BMP5: variants seen among roughly 807,000 people sequenced by gnomAD.
BMP5 encodes the protein bone morphogenetic protein 5.
BMP5 carries 23 observed loss-of-function variants against 46.6 expected under a neutral mutation model. The ratio of observed to expected loss-of-function variants is 0.49; its 90% confidence interval spans 0.35 to 0.70. The LOEUF is 0.70. Among genes scored for constraint, BMP5 ranks in the 30% least tolerant of loss-of-function variants. The probability of loss-of-function intolerance (pLI) is 0.00; values close to 1 mark genes in which losing one functional copy is unlikely to be tolerated. For synonymous variants in BMP5, 204 were observed against 191.9 expected (o/e 1.06, Z -0.52); for missense variants, 545 against 565.6 (o/e 0.96, Z 0.37).
At chr6:55,803,253 G>A (rs1157930060) in intron 2 of BMP5, among the ~76,000 whole-genome samples, 1 of 151,830 alleles carries the variant, frequency 6.6e-6, no homozygotes, top group Non-Finnish European at 1.5e-5. Context: ...CTGAGATCAC[G>A]CCATTGCACT....
chr6:55,780,471 AAAG>A (rs1241594872), intron 3 of BMP5, among the ~76,000 whole-genome samples: 192 of 105,668 alleles, frequency 1.8e-3, no homozygotes, highest in African/African-American at 5.6e-3. Flanking sequence ...AAAAAAAAAA[AAAG>A]AAAGAAAGAA....
intron 1 of BMP5, among the ~76,000 whole-genome samples, chr6:55,863,991 T>C (rs1777580628): frequency 6.6e-6 from 1 of 151,988 alleles, no homozygotes; most frequent in Admixed American, 6.6e-5. Flanking sequence ...TCTCAGAAGG[T>C]ACACCCCCAT....
intron 4 of BMP5, among the ~76,000 whole-genome samples, chr6:55,768,385 T>C (rs1168252388): frequency 3.3e-5 from 5 of 151,942 alleles, no homozygotes; most frequent in Non-Finnish European, 5.9e-5. Flanking sequence ...ACAAGCATTC[T>C]GTTTTTCACT....
In BMP5 at chr6:55,774,239, G is replaced by A; in HGVS notation, c.837C>T (p.Arg279=). ...LQLCAETGDG[R]SINVKSAGLV... ...GACCAGCAGATTTTACGTTGATACT[G>A]CGTCCTAGAACGTAATACAAAAGCA... Residue 279 remains arginine, a synonymous_variant, in exon 4 of 7, where the codon CGC becomes CGT. Transcript: ENST00000370830. The A allele has an allele frequency of 1.2e-6, 2 of 1,612,574 alleles. No individual in the cohort carries two copies. Among genetic ancestry groups the A allele is most frequent in the Admixed American group, 3.3e-5 (2 of 59,838 alleles).
At chr6:55,817,463 A>G (rs1191168366) in intron 2 of BMP5, among the ~76,000 whole-genome samples, 1 of 152,174 alleles carries the variant, frequency 6.6e-6, no homozygotes, top group East Asian at 1.9e-4. Context: ...ACACAGATGA[A>G]GCTAGAAACC....
rs530615736 is a variant in BMP5, at chr6:55,774,069, G to T, written c.1007C>A (p.Ser336Tyr). Residue 336 changes from serine to tyrosine, a missense_variant, in exon 4 of 7, where the codon TCC (serine) becomes TAC (tyrosine). Physicochemically the swap from Ser to Tyr is moderately radical, Grantham distance 144. Coordinates refer to ENST00000370830, the MANE Select transcript of BMP5 (RefSeq NM_021073.4). ...RNKSSSHQDSSRMSSVGDYNT... is the reference protein window; with the variant it reads ...RNKSSSHQDSYRMSSVGDYNT... ...CTTACCTCCAACACTGGACATTCTG[G>T]AGGAGTCCTGATGAGAGCTGGATTT... 6.2e-7 allele frequency: 1 copy of T among 1,612,690 alleles called. No homozygotes were observed. The highest frequency in any genetic ancestry group is 8.5e-7 in the Non-Finnish European group (1 of 1,179,274).
chr6:55,867,463 T>C (rs1455361518), intron 1 of BMP5, among the ~76,000 whole-genome samples: 1 of 152,148 alleles, frequency 6.6e-6, no homozygotes, highest in Non-Finnish European at 1.5e-5. Flanking sequence ...TCCTAAATAA[T>C]TCAGTTTGCA....
intron 2 of BMP5, among the ~76,000 whole-genome samples, chr6:55,810,963 C>T (rs914195418): frequency 2.0e-5 from 3 of 152,138 alleles, no homozygotes; most frequent in Non-Finnish European, 4.4e-5. Context: ...CTAAATGTCT[C>T]CTAGGGACCA....
intron 2 of BMP5, among the ~76,000 whole-genome samples, chr6:55,795,837 C>G (rs1446974745): frequency 6.6e-6 from 1 of 152,098 alleles, no homozygotes; most frequent in African/African-American, 2.4e-5. Context: ...TTTTTCACAT[C>G]TGATATAGGA....
chr6:55,807,586 G>A (rs1225375993), intron 2 of BMP5, among the ~76,000 whole-genome samples: 2 of 152,026 alleles, frequency 1.3e-5, no homozygotes, highest in South Asian at 2.1e-4. Context: ...ATAAAAGGAA[G>A]GAAGGACTCA....
intron 3 of BMP5, among the ~76,000 whole-genome samples, chr6:55,789,684 G>C (rs1775530702): frequency 6.6e-6 from 1 of 151,880 alleles, no homozygotes; most frequent in Admixed American, 6.6e-5. Context: ...TATCATAGAG[G>C]TTTATTAACC....
chr6:55,874,184 C>T (rs889572180), intron 1 of BMP5, among the ~76,000 whole-genome samples, 192 bp downstream of exon 1: 1 of 151,920 alleles, frequency 6.6e-6, no homozygotes, highest in Non-Finnish European at 1.5e-5. Flanking sequence ...TTAAATTTAA[C>T]TATTCATATT....
intron 2 of BMP5, among the ~76,000 whole-genome samples, chr6:55,809,321 A>G (rs1418550088): frequency 6.6e-6 from 1 of 152,166 alleles, no homozygotes; most frequent in East Asian, 1.9e-4. Flanking sequence ...TTATAGTCAG[A>G]AGTGATTTAT....
At chr6:55,807,020 G>A (rs1335935832) in intron 2 of BMP5, among the ~76,000 whole-genome samples, 1 of 152,150 alleles carries the variant, frequency 6.6e-6, no homozygotes, top group Non-Finnish European at 1.5e-5. Context: ...TGCAAACAGA[G>A]ACAATTTGAC....
At chr6:55,820,854 C>CT (rs1461036823) in intron 1 of BMP5, among the ~76,000 whole-genome samples, 1 of 152,090 alleles carries the variant, frequency 6.6e-6, no homozygotes, top group Non-Finnish European at 1.5e-5. Flanking sequence ...TATTTTCCCT[C>CT]TTTAGTAACC....
rs10223836 is a variant in BMP5 at position 55,870,921 on chromosome 6, T to C, written c.490+3455A>G. 3.5e-3 allele frequency among the ~76,000 whole-genome samples: 532 copies of C among 152,168 alleles called. 5 individuals carry two copies. Among genetic ancestry groups the C allele is most frequent in the African/African-American group, 0.012 (511 of 41,570 alleles). On this transcript the variant is annotated intron_variant, in intron 1 of 6. Transcript: ENST00000370830. Reference sequence around the variant, plus strand: ...ATACATCTAAGAGAAAAACCATTAATAAACTCAAAGTTCAACTTTTTCCAG... The same window carrying C: ...ATACATCTAAGAGAAAAACCATTAACAAACTCAAAGTTCAACTTTTTCCAG...
intron 4 of BMP5, among the ~76,000 whole-genome samples, chr6:55,767,786 G>GA (rs1032325956): frequency 3.3e-5 from 5 of 151,808 alleles, no homozygotes; most frequent in Non-Finnish European, 7.4e-5. Flanking sequence ...TGCCAACTTG[G>GA]AAAAAAAGCA....
Position 55,794,339 on chromosome 6 carries a change from G to A in BMP5, c.772C>T (p.His258Tyr), listed in dbSNP as rs770256367. 1 of 1,613,880 alleles carries A rather than the reference G, an allele frequency of 6.2e-7. No individual in the cohort carries two copies. The highest frequency in any genetic ancestry group is 8.5e-7 in the Non-Finnish European group (1 of 1,179,900). The change falls in exon 3 of 7, where the codon CAT becomes TAT. Residue 258 changes from histidine (H) to tyrosine (Y), a missense_variant. By Grantham distance (83) the His-to-Tyr change is moderately conservative. Transcript: ENST00000370830. ...TTATTCTGGGGATTAATCACCCAAT[G>A]ATTGCTGGTCACAGTGATATCAAAG... ...LVFDITVTSN[H>Y]WVINPQNNLG... is the part of the protein sequence containing the mutation.
At chr6:55,820,216 G>A (rs1335375444) in intron 1 of BMP5, among the ~76,000 whole-genome samples, 2 of 152,214 alleles carry the variant, frequency 1.3e-5, no homozygotes, top group South Asian at 2.1e-4. Context: ...CAGAGTTCCA[G>A]GTGAAATGAC....
Sources: allele counts gnomAD v4.1 joint callset (sites outside exome capture counted in the v4.1 genomes callset), GRCh38; gene constraint gnomAD v4.1.1; transcripts MANE v1.5; gene names NCBI Gene and HGNC (gene_info 2026-07-23, HGNC 2026-07-21).